The following MYBL1 variants were observed in gnomAD, a reference collection of about 807,000 sequenced individuals.
MYBL1 encodes myb-related protein A.
In MYBL1, 17 loss-of-function variants were observed where a neutral mutation model predicts 96.3. That is an observed-to-expected ratio of 0.18 (90% CI 0.12 to 0.26). The LOEUF is 0.26. Ranked by LOEUF, MYBL1 falls within the 10% of genes least tolerant of loss-of-function variation. The probability of loss-of-function intolerance (pLI) is 1.00; values close to 1 mark genes in which losing one functional copy is unlikely to be tolerated. For synonymous variants in MYBL1, 282 were observed against 292.7 expected, an observed-to-expected ratio of 0.96 and a Z score of 0.37; for missense variants, 701 against 882.9, an observed-to-expected ratio of 0.79 and a Z score of 2.61.
rs1357903805 is a variant in MYBL1, at chr8:66,595,742, G to T, written c.528C>A (p.Ile176=). The T allele has an allele frequency of 1.2e-5, 18 of 1,553,742 alleles. No homozygotes were observed. Among genetic ancestry groups the T allele is most frequent in the Non-Finnish European group, 1.6e-5 (18 of 1,147,110 alleles). The part of the protein sequence containing the change: ...KLLPGRTDNS[I]KNHWNSTMRR... The stretch of plus-strand genomic sequence containing the variant: ...GCATAGTAGAATTCCAATGATTTTT[G>T]ATAGAATTATCAGTCCTAAGAAAGG... The change falls in exon 6 of 16, where the codon ATC becomes ATA. Residue 176 remains isoleucine (I), a synonymous_variant. Transcript: ENST00000522677.
At chr8:66,592,817 A>G (rs1809701252) in intron 7 of MYBL1, among the ~76,000 whole-genome samples, 1 of 152,146 alleles carries the variant, frequency 6.6e-6, no homozygotes, top group South Asian at 2.1e-4. Context: ...GAAATATTTT[A>G]TATTTTTAAA....
chr8:66,579,302 A>G (rs531118579), intron 9 of MYBL1, among the ~76,000 whole-genome samples: 30 of 152,144 alleles, frequency 2.0e-4, no homozygotes, highest in African/African-American at 7.2e-4. Context: ...ATGTCCAATA[A>G]TAATAGTTGG....
chr8:66,612,682 G>C (rs1231600531), intron 1 of MYBL1, 137 bp downstream of exon 1: 3 of 1,097,400 alleles, frequency 2.7e-6, no homozygotes, highest in Admixed American at 3.5e-5. Context: ...TCGAGGCCAA[G>C]CGGCCGCGGG....
intron 1 of MYBL1, among the ~76,000 whole-genome samples, chr8:66,608,676 T>A (rs1357309707): frequency 6.6e-6 from 1 of 152,152 alleles, no homozygotes; most frequent in Non-Finnish European, 1.5e-5. Flanking sequence ...ATCATCAAAA[T>A]GGATCTGCTC....
intron 8 of MYBL1, among the ~76,000 whole-genome samples, chr8:66,592,116 A>C (rs1809670439): frequency 6.6e-6 from 1 of 151,896 alleles, no homozygotes; most frequent in South Asian, 2.1e-4. Flanking sequence ...AATAAAAAAA[A>C]ATTGTCAGGC....
chr8:66,596,479 T>C (rs1809853651), intron 5 of MYBL1, among the ~76,000 whole-genome samples: 1 of 152,148 alleles, frequency 6.6e-6, no homozygotes, highest in African/African-American at 2.4e-5. Flanking sequence ...AGCTAGGTTC[T>C]ATGAAAAGTA....
rs1810594494 is a variant in MYBL1, at chr8:66,612,974, C to G, written c.-136G>C. 9.9e-7 allele frequency: 1 copy of G among 1,013,198 alleles called. No individual in the cohort carries two copies. The highest frequency in any genetic ancestry group is 1.3e-6 in the Non-Finnish European group (1 of 760,038). 62.8% of individuals were successfully genotyped at this position (1,013,198 alleles called of 1,614,324 possible). A position where few individuals can be genotyped will look rare whatever the true frequency, so the allele number is the denominator to read the frequency against. On this transcript the variant is annotated 5_prime_UTR_variant, in exon 1 of 16. Transcript: ENST00000522677. ...TGGAGGCGGCCGAGTGCGGAACGCA[C>G]GTCCTCGACAGGGCAGGACGGAGGG...
At chr8:66,598,037 T>C (rs1455617148) in intron 4 of MYBL1, among the ~76,000 whole-genome samples, 9 of 152,120 alleles carry the variant, frequency 5.9e-5, no homozygotes, top group Admixed American at 1.3e-4. Context: ...ATTGCAAGAA[T>C]AGTTATTCCA....
intron 11 of MYBL1, among the ~76,000 whole-genome samples, chr8:66,573,064 A>G (rs1210413254): frequency 6.6e-6 from 1 of 152,102 alleles, no homozygotes; most frequent in African/African-American, 2.4e-5. Context: ...CATACACAAT[A>G]TTAACCAGGC....
Position 66,567,137 on chromosome 8 carries a change from A to G in MYBL1, c.1729-145T>C, listed in dbSNP as rs1329210571. 7 of 578,218 alleles carry G rather than the reference A, an allele frequency of 1.2e-5. No homozygotes were observed. In the East Asian group the frequency reaches 2.0e-4, roughly 16 times the overall value. 35.8% of individuals were successfully genotyped at this position (578,218 alleles called of 1,614,324 possible). A position where few individuals can be genotyped will look rare whatever the true frequency, so the allele number is the denominator to read the frequency against. On this transcript the variant is annotated intron_variant, in intron 12 of 15. Transcript: ENST00000522677. ...ATAGATACATTAATTAAATTAATTC[A>G]TGTTGTGGCAAAACAATATTATACA...
intron 1 of MYBL1, among the ~76,000 whole-genome samples, chr8:66,606,053 C>T (rs1316286791): frequency 1.3e-5 from 2 of 152,200 alleles, no homozygotes; most frequent in Admixed American, 1.3e-4. Flanking sequence ...ACTACTTAAC[C>T]GCTATACTAC....
At chr8:66,573,166 A>ATC (rs1392716888) in intron 11 of MYBL1, among the ~76,000 whole-genome samples, 198 bp downstream of exon 11, 1 of 151,146 alleles carries the variant, frequency 6.6e-6, no homozygotes, top group African/African-American at 2.4e-5. Flanking sequence ...GTGAGCCGAG[A>ATC]TCTCACCATT....
chr8:66,587,324 G>T (rs1283324574), intron 8 of MYBL1, among the ~76,000 whole-genome samples: 1 of 151,538 alleles, frequency 6.6e-6, no homozygotes, highest in African/African-American at 2.4e-5. Flanking sequence ...TGTACACCCA[G>T]AAAATATGTA....
chr8:66,610,584 T>C (rs1810489548), intron 1 of MYBL1, among the ~76,000 whole-genome samples: 1 of 152,102 alleles, frequency 6.6e-6, no homozygotes, highest in Admixed American at 6.5e-5. Context: ...CTTTCAACTA[T>C]AAATTGAGTT....
At chr8:66,565,705 G>A (rs1446111540) in intron 15 of MYBL1, among the ~76,000 whole-genome samples, 1 of 152,056 alleles carries the variant, frequency 6.6e-6, no homozygotes, top group African/African-American at 2.4e-5. Flanking sequence ...ACAAAATCAT[G>A]CTGAAACTGC....
chr8:66,599,940 A>G (rs1224788223), intron 3 of MYBL1, among the ~76,000 whole-genome samples: 1 of 152,236 alleles, frequency 6.6e-6, no homozygotes, highest in Non-Finnish European at 1.5e-5. Context: ...GTTATAAATT[A>G]TGATTCCAAG....
chr8:66,579,928 T>C (rs1053594854), intron 9 of MYBL1, among the ~76,000 whole-genome samples: 8 of 152,084 alleles, frequency 5.3e-5, no homozygotes, highest in Non-Finnish European at 1.2e-4. Flanking sequence ...ATGAATTAAG[T>C]TTTTAATTTT....
chr8:66,570,241 GA>G (rs1808673197), intron 12 of MYBL1, among the ~76,000 whole-genome samples: 1 of 152,004 alleles, frequency 6.6e-6, no homozygotes, highest in Admixed American at 6.6e-5. Flanking sequence ...TAAAATGTCA[GA>G]AGGCTAGTAA....
chr8:66,582,598 G>C (rs1809258673), intron 8 of MYBL1, among the ~76,000 whole-genome samples: 1 of 147,234 alleles, frequency 6.8e-6, no homozygotes, highest in Admixed American at 6.8e-5. Flanking sequence ...CATGCCTGTG[G>C]TCCCCGCTAC....
Sources: gnomAD v4.1 joint callset for allele counts (sites outside exome capture counted in the v4.1 genomes callset) on GRCh38, gnomAD v4.1.1 for gene constraint, MANE v1.5 for transcripts, NCBI Gene and HGNC (gene_info 2026-07-23, HGNC 2026-07-21) for gene names.